Variants in ST8SIA1 observed in about 807,000 individuals in gnomAD.
ST8SIA1 encodes the protein alpha-N-acetylneuraminide alpha-2,8-sialyltransferase.
Under a neutral mutation model 35.9 loss-of-function variants are expected in ST8SIA1, and 16 were observed. That is an observed-to-expected ratio of 0.45 (90% confidence interval 0.30 to 0.68). The LOEUF is 0.68. Ranked by LOEUF, ST8SIA1 falls within the 30% of genes least tolerant of loss-of-function variation. The probability of loss-of-function intolerance (pLI) is 0.09; values close to 1 mark genes in which losing one functional copy is unlikely to be tolerated. For missense variants in ST8SIA1, 383 were observed against 453.6 expected, an observed-to-expected ratio of 0.84 and a Z score of 1.41; for synonymous variants, 170 against 169.6, an observed-to-expected ratio of 1.00 and a Z score of -0.02.
chr12:22,241,012 T>C (rs1355734541), intron 4 of ST8SIA1, among the ~76,000 whole-genome samples: 4 of 146,306 alleles, frequency 2.7e-5, no homozygotes, highest in Non-Finnish European at 6.0e-5. Context: ...AGGGTCTTGC[T>C]CTGTTGCCCA....
intron 1 of ST8SIA1, among the ~76,000 whole-genome samples, chr12:22,293,234 G>A (rs919667263): frequency 3.9e-5 from 6 of 152,210 alleles, no homozygotes; most frequent in Admixed American, 2.0e-4. Context: ...CTGCAGACAC[G>A]CAGCACAGAG....
chr12:22,272,527 C>T (rs1002894606), intron 2 of ST8SIA1, among the ~76,000 whole-genome samples: 23 of 152,224 alleles, frequency 1.5e-4, no homozygotes, highest in Non-Finnish European at 1.5e-5. Flanking sequence ...AACATATTGG[C>T]TCCACGGCGC....
intron 1 of ST8SIA1, among the ~76,000 whole-genome samples, chr12:22,305,263 G>C (rs1866370463): frequency 6.6e-6 from 1 of 151,942 alleles, no homozygotes; most frequent in African/African-American, 2.4e-5. Flanking sequence ...AAAAAGGATA[G>C]ACTAGTCAAA....
intron 1 of ST8SIA1, among the ~76,000 whole-genome samples, chr12:22,320,783 T>C (rs963641610): frequency 6.9e-6 from 1 of 145,358 alleles, no homozygotes; most frequent in African/African-American, 2.6e-5. Flanking sequence ...TGAGCTATGA[T>C]TGCACCACTG....
In ST8SIA1 at chr12:22,249,719, T is replaced by C. The variant is rs139444093; in HGVS notation, c.492-621A>G. ...AGAGACAGTAACTAGGAGGTATTTA[T>C]TCCATTCAAAATATTTTTGAGAGGG... is the stretch of plus-strand genomic sequence containing the variant. On this transcript the variant is annotated intron_variant, in intron 3 of 4. Coordinates refer to ENST00000396037, the MANE Select transcript of ST8SIA1 (RefSeq NM_003034.4). Among the ~76,000 whole-genome samples the C allele has an allele frequency of 4.2e-3, 646 of 152,294 alleles. 6 individuals are homozygous for C. The highest frequency in any genetic ancestry group is 0.015 in the African/African-American group (624 of 41,562).
chr12:22,255,421 G>T, intron 2 of ST8SIA1, 32 bp from the exon 3 acceptor site: 11 of 1,554,454 alleles, frequency 7.1e-6, no homozygotes, highest in Non-Finnish European at 9.8e-6. Flanking sequence ...GGTTTTCACT[G>T]CAAAGAACAC....
intron 1 of ST8SIA1, among the ~76,000 whole-genome samples, chr12:22,316,004 A>T (rs75200246): frequency 0.025 from 3,853 of 152,156 alleles, 117 homozygotes; most frequent in South Asian, 0.16. Flanking sequence ...TTAAATATTT[A>T]AAAAAGATAG....
chr12:22,226,564 T>C (rs573801712), intron 4 of ST8SIA1, among the ~76,000 whole-genome samples: 2 of 152,224 alleles, frequency 1.3e-5, no homozygotes, highest in South Asian at 2.1e-4. Flanking sequence ...TTGATTCTTC[T>C]TCAGCAAACT....
In ST8SIA1 at chr12:22,305,378, A is replaced by G. The variant is rs1243655488; in HGVS notation, c.237-18085T>C. ...GAATTGTCTTAAGAATTTCCAGCAT[A>G]CTTTTTTTTTTTTTTTTTTTGAGAT... On this transcript the variant is annotated intron_variant, in intron 1 of 4. Transcript: ENST00000396037. 2.1e-5 allele frequency among the ~76,000 whole-genome samples: 3 copies of G among 144,906 alleles called. No homozygotes were observed. In the East Asian group the frequency reaches 6.1e-4, roughly 30 times the overall value.
At chr12:22,248,921 G>T in intron 4 of ST8SIA1, 85 bp downstream of exon 4, 1 of 1,005,846 alleles carries the variant, frequency 9.9e-7, no homozygotes. Context: ...TTCCCAAACT[G>T]AATTATGCTC....
At chr12:22,277,371 T>TA (rs1865981741) in intron 2 of ST8SIA1, among the ~76,000 whole-genome samples, 1 of 148,006 alleles carries the variant, frequency 6.8e-6, no homozygotes, top group South Asian at 2.2e-4. Context: ...GTGAACTTTT[T>TA]TTTTTTTTTT....
intron 2 of ST8SIA1, among the ~76,000 whole-genome samples, chr12:22,261,753 G>A (rs746815815): frequency 2.0e-5 from 3 of 152,142 alleles, no homozygotes; most frequent in Non-Finnish European, 4.4e-5. Context: ...CATCCAGTGT[G>A]TTGCTTCTGA....
intron 3 of ST8SIA1, among the ~76,000 whole-genome samples, chr12:22,254,598 T>G (rs1380069264): frequency 6.6e-6 from 1 of 152,254 alleles, no homozygotes; most frequent in African/African-American, 2.4e-5. Flanking sequence ...CTGGTAAGCA[T>G]GTCTGGGCAG....
chr12:22,199,147 T>G lies in ST8SIA1; in HGVS notation c.*2405A>C, dbSNP rs1198422631. On this transcript the variant is annotated 3_prime_UTR_variant, in exon 5 of 5. Transcript: ENST00000396037. ...AAAAATTTCCACATAATATTTTCTT[T>G]CTTTTTCTTTTCTTTTTTTTTTTTT... The G allele has an allele frequency of 2.2e-5, 3 of 134,076 alleles. No individual in the cohort carries two copies. The South Asian group carries it at 8.0e-4, about 36-fold the overall frequency. 8.3% of individuals were successfully genotyped at this position (134,076 alleles called of 1,614,324 possible). A position where few individuals can be genotyped will look rare whatever the true frequency, so the allele number is the denominator to read the frequency against.
At chr12:22,266,504 T>A (rs11046354) in intron 2 of ST8SIA1, among the ~76,000 whole-genome samples, 5,419 of 141,854 alleles carry the variant, frequency 0.038, 174 homozygotes, top group African/African-American at 0.09. Flanking sequence ...AAAAAAAAAA[T>A]ATATATATAT....
chr12:22,279,027 G>T (rs960502735), intron 2 of ST8SIA1, among the ~76,000 whole-genome samples: 2 of 152,010 alleles, frequency 1.3e-5, no homozygotes, highest in Non-Finnish European at 2.9e-5. Flanking sequence ...TCTCTGTATT[G>T]TCAGCCTCCA....
intron 4 of ST8SIA1, among the ~76,000 whole-genome samples, chr12:22,213,643 A>G (rs185412437): frequency 7.9e-5 from 12 of 152,318 alleles, no homozygotes; most frequent in Admixed American, 4.6e-4. Context: ...ACAATTTAAT[A>G]TGGTAAAGTT....
chr12:22,315,865 T>C (rs1360426131), intron 1 of ST8SIA1, among the ~76,000 whole-genome samples: 1 of 151,616 alleles, frequency 6.6e-6, no homozygotes, highest in Non-Finnish European at 1.5e-5. Flanking sequence ...GATAAACAGA[T>C]AATGCCTGAG....
intron 1 of ST8SIA1, among the ~76,000 whole-genome samples, chr12:22,295,829 A>G (rs1866236824): frequency 6.6e-6 from 1 of 152,220 alleles, no homozygotes; most frequent in South Asian, 2.1e-4. Flanking sequence ...AGGCTAAAGG[A>G]AGACGATTTA....
Sources: gnomAD v4.1 joint callset for allele counts (sites outside exome capture counted in the v4.1 genomes callset) on GRCh38, gnomAD v4.1.1 for gene constraint, MANE v1.5 for transcripts, NCBI Gene and HGNC (gene_info 2026-07-23, HGNC 2026-07-21) for gene names.